HTR1E: variants seen among roughly 807,000 people sequenced by gnomAD.
HTR1E encodes the protein 5-HT-1E.
Under a neutral mutation model 3.4 loss-of-function variants are expected in HTR1E, and 3 were observed. That is an observed-to-expected ratio of 0.89 (90% CI 0.41 to 2.31). The LOEUF (loss-of-function observed/expected upper bound fraction) is 2.31. Among genes scored for constraint, HTR1E ranks in the 30% most tolerant of loss-of-function variants. The pLI, the probability that HTR1E is intolerant of heterozygous loss-of-function variation, is 0.05. For missense variants in HTR1E, 392 were observed against 467.0 expected (o/e 0.84, Z 1.48); for synonymous variants, 170 against 182.8 (o/e 0.93, Z 0.56).
intron 1 of HTR1E, among the ~76,000 whole-genome samples, chr6:86,967,026 A>T (rs1458774360): frequency 6.6e-6 from 1 of 152,224 alleles, no homozygotes; most frequent in Non-Finnish European, 1.5e-5. Flanking sequence ...GGGATCTTTT[A>T]TCTCAGCCCC....
Position 86,969,789 on chromosome 6 carries a change from T to TCCACACCCCAG in HTR1E, c.-186+31978_-186+31988dup, listed in dbSNP as rs1306816960. Among the ~76,000 whole-genome samples the TCCACACCCCAG allele has an allele frequency of 3.9e-5, 6 of 152,248 alleles. No individual in the cohort carries two copies. The South Asian group carries it at 1.0e-3, about 26-fold the overall frequency. ...CAAAGCTGCTTGATACGAGTCACTC[T>TCCACACCCCAG]CCACACCCCAGCCACACCCCAGTGA... On this transcript the variant is annotated intron_variant, in intron 1 of 1. Coordinates refer to ENST00000305344, the MANE Select transcript of HTR1E (RefSeq NM_000865.3).
intron 1 of HTR1E, among the ~76,000 whole-genome samples, chr6:86,993,982 C>A (rs184911581): frequency 6.6e-6 from 1 of 152,082 alleles, no homozygotes; most frequent in Admixed American, 6.5e-5. Context: ...GAAAAAAATA[C>A]AATAACTGAA....
chr6:86,997,044 T>G (rs1562070553), intron 1 of HTR1E, among the ~76,000 whole-genome samples: 1 of 151,902 alleles, frequency 6.6e-6, no homozygotes, highest in Non-Finnish European at 1.5e-5. Flanking sequence ...ATTCTAGAAA[T>G]GCAAGGCTGT....
chr6:86,974,512 T>C (rs1009993030), intron 1 of HTR1E, among the ~76,000 whole-genome samples: 7 of 152,198 alleles, frequency 4.6e-5, no homozygotes, highest in African/African-American at 7.2e-5. Flanking sequence ...TTTTCTAGTG[T>C]CTCCTCATGA....
At chr6:86,994,048 C>T (rs1054898298) in intron 1 of HTR1E, among the ~76,000 whole-genome samples, 5 of 151,834 alleles carry the variant, frequency 3.3e-5, no homozygotes, top group African/African-American at 1.2e-4. Flanking sequence ...AGGAAAAGAT[C>T]GGTGAACTTA....
rs557753232 is a variant in HTR1E at position 87,003,097 on chromosome 6, CA to C, written c.-185-12046del. Among the ~76,000 whole-genome samples the C allele has an allele frequency of 1.2e-3, 185 of 152,154 alleles. 1 individual carries two copies. The highest frequency in any genetic ancestry group is 3.4e-3 in the Middle Eastern group (1 of 294). ...GACAACAAAAAAGCCTTAAAACATTCAAAAAAATTGAAATGATATCAAATAT... is the reference window on the plus strand; with the variant it reads ...GACAACAAAAAAGCCTTAAAACATTCAAAAAATTGAAATGATATCAAATAT... On this transcript the variant is annotated intron_variant, in intron 1 of 1. Coordinates refer to ENST00000305344, the MANE Select transcript of HTR1E (RefSeq NM_000865.3).
chr6:87,005,679 G>GAAACA (rs1768092802), intron 1 of HTR1E, among the ~76,000 whole-genome samples: 1 of 152,134 alleles, frequency 6.6e-6, no homozygotes, highest in Non-Finnish European at 1.5e-5. Context: ...CATTAGTCTG[G>GAAACA]ACAAAGATTT....
chr6:86,941,228 T>C (rs1256202826), intron 1 of HTR1E, among the ~76,000 whole-genome samples: 2 of 152,234 alleles, frequency 1.3e-5, no homozygotes, highest in Non-Finnish European at 2.9e-5. Flanking sequence ...CGTTCCCACA[T>C]TTTGTGGATT....
In HTR1E at chr6:86,994,392, C is replaced by T. The variant is rs1184451326; in HGVS notation, c.-185-20758C>T. Among the ~76,000 whole-genome samples the T allele has an allele frequency of 1.3e-5, 2 of 151,934 alleles. 1 individual carries two copies. The highest frequency in any genetic ancestry group is 2.9e-5 in the Non-Finnish European group (2 of 67,980). On this transcript the variant is annotated intron_variant, in intron 1 of 1. Transcript: ENST00000305344. ...TCTTGCAGCTGTGAAAGAGAAATGA[C>T]ACCATACCTATCAGGAGAAAAAAAA...
At chr6:87,011,996 T>C (rs1315853637) in intron 1 of HTR1E, among the ~76,000 whole-genome samples, 1 of 152,074 alleles carries the variant, frequency 6.6e-6, no homozygotes, top group Non-Finnish European at 1.5e-5. Flanking sequence ...TTGAAGAGTC[T>C]ATAATATTTT....
intron 1 of HTR1E, among the ~76,000 whole-genome samples, chr6:87,000,892 A>T (rs1768012655): frequency 6.6e-6 from 1 of 152,254 alleles, no homozygotes; most frequent in Admixed American, 6.5e-5. Flanking sequence ...TATCTTGAGT[A>T]GAAAGATTAA....
intron 1 of HTR1E, among the ~76,000 whole-genome samples, chr6:86,986,950 A>C (rs139930154): frequency 6.6e-6 from 1 of 152,188 alleles, no homozygotes; most frequent in Admixed American, 6.6e-5. Flanking sequence ...AAAGAAAAGG[A>C]GGCAAAAATT....
At chr6:87,014,819 G>A (rs1768293145) in intron 1 of HTR1E, among the ~76,000 whole-genome samples, 1 of 152,182 alleles carries the variant, frequency 6.6e-6, no homozygotes, top group Non-Finnish European at 1.5e-5. Context: ...TGGAGGGCTA[G>A]GGGAGGGATG....
At chr6:87,006,564 C>T (rs1448912112) in intron 1 of HTR1E, among the ~76,000 whole-genome samples, 1 of 152,148 alleles carries the variant, frequency 6.6e-6, no homozygotes, top group African/African-American at 2.4e-5. Context: ...CCCAGCAATC[C>T]CATTACTGGG....
intron 1 of HTR1E, among the ~76,000 whole-genome samples, chr6:86,968,757 G>A (rs544515991): frequency 1.1e-4 from 16 of 151,756 alleles, no homozygotes; most frequent in Non-Finnish European, 7.4e-5. Context: ...TGTGGCATTC[G>A]TTTTCATTAA....
At chr6:86,999,385 C>G (rs1466879500) in intron 1 of HTR1E, among the ~76,000 whole-genome samples, 1 of 151,992 alleles carries the variant, frequency 6.6e-6, no homozygotes, top group Non-Finnish European at 1.5e-5. Context: ...TAGCAAAAGC[C>G]AAATATGACA....
At chr6:86,973,658 A>T (rs1385086124) in intron 1 of HTR1E, among the ~76,000 whole-genome samples, 1 of 152,192 alleles carries the variant, frequency 6.6e-6, no homozygotes, top group African/African-American at 2.4e-5. Flanking sequence ...AAGGAGATTT[A>T]AGATACTAAT....
At chr6:86,976,411 C>T (rs1767639918) in intron 1 of HTR1E, among the ~76,000 whole-genome samples, 1 of 152,150 alleles carries the variant, frequency 6.6e-6, no homozygotes, top group Non-Finnish European at 1.5e-5. Context: ...TTACCTACTC[C>T]AAAATCACTG....
At chr6:87,012,731 G>A (rs1269982221) in intron 1 of HTR1E, among the ~76,000 whole-genome samples, 5 of 152,170 alleles carry the variant, frequency 3.3e-5, no homozygotes, top group South Asian at 2.1e-4. Context: ...TGTATTAGGC[G>A]TTGTTCTCAG....
Sources: allele counts gnomAD v4.1 joint callset (sites outside exome capture counted in the v4.1 genomes callset), GRCh38; gene constraint gnomAD v4.1.1; transcripts MANE v1.5; gene names NCBI Gene and HGNC (gene_info 2026-07-23, HGNC 2026-07-21).